Variants in HUNK observed in about 807,000 individuals in gnomAD.
HUNK encodes hormonally up-regulated neu tumor-associated kinase.
Under a neutral mutation model 61.0 loss-of-function variants are expected in HUNK, and 21 were observed. That is an observed-to-expected ratio of 0.34 (90% confidence interval 0.24 to 0.50). The LOEUF (loss-of-function observed/expected upper bound fraction) is 0.50. Ranked by LOEUF, HUNK falls within the 20% of genes least tolerant of loss-of-function variation. The pLI is 0.98. For missense variants in HUNK, 772 were observed against 945.7 expected, an observed-to-expected ratio of 0.82 and a Z score of 2.41; for synonymous variants, 371 against 386.1, an observed-to-expected ratio of 0.96 and a Z score of 0.46.
chr21:31,875,131 C>T (rs916728319), intron 1 of HUNK, among the ~76,000 whole-genome samples: 1 of 152,186 alleles, frequency 6.6e-6, no homozygotes, highest in Non-Finnish European at 1.5e-5. Context: ...AGTTCACTTC[C>T]CAACCGAGCA....
intron 2 of HUNK, among the ~76,000 whole-genome samples, chr21:31,925,926 T>A (rs960431697): frequency 4.4e-4 from 9 of 20,542 alleles, no homozygotes; most frequent in Non-Finnish European, 6.6e-4. Context: ...CCAGAAATAT[T>A]TTTTTTTTTT....
intron 5 of HUNK, among the ~76,000 whole-genome samples, chr21:31,964,511 G>T (rs931709717): frequency 1.3e-5 from 2 of 152,208 alleles, no homozygotes; most frequent in Non-Finnish European, 2.9e-5. Context: ...GAGCAGGGTG[G>T]TACTATTTTT....
At chr21:31,985,113 C>T (rs960141333) in intron 8 of HUNK, among the ~76,000 whole-genome samples, 3 of 152,142 alleles carry the variant, frequency 2.0e-5, no homozygotes, top group South Asian at 2.1e-4. Context: ...CTCCACCTGT[C>T]CCCGCCCTTG....
In HUNK at chr21:31,873,852, A is replaced by C; in HGVS notation, c.178A>C (p.Asn60His). The change falls in exon 1 of 11, where the codon AAC becomes CAC. Residue 60 changes from asparagine to histidine, a missense_variant. By Grantham distance (68) the Asn-to-His change is moderately conservative (BLOSUM62 1). Coordinates refer to ENST00000270112, the MANE Select transcript of HUNK (RefSeq NM_014586.2). This position sits in a 1 kb window ranked among gnomAD's most constrained non-coding sequence, Gnocchi z 6.1. ...RDFQHHKRVG[N>H]YLIGSRKLGE... Reference sequence around the variant, plus strand: ...CTTCCAGCACCACAAGCGCGTGGGCAACTACCTCATCGGCAGCAGGAAGCT... The same window carrying C: ...CTTCCAGCACCACAAGCGCGTGGGCCACTACCTCATCGGCAGCAGGAAGCT... The C allele has an allele frequency of 6.3e-7, 1 of 1,586,050 alleles. No individual in the cohort carries two copies. The highest frequency in any genetic ancestry group is 8.6e-7 in the Non-Finnish European group (1 of 1,168,324).
intron 1 of HUNK, among the ~76,000 whole-genome samples, chr21:31,910,640 C>T (rs1337984949): frequency 2.0e-5 from 3 of 152,034 alleles, no homozygotes; most frequent in Non-Finnish European, 2.9e-5. Flanking sequence ...AGGCATGCGC[C>T]ACCACGCCTG....
rs2052373067 is a variant in HUNK, at chr21:31,889,746, A to G, written c.261+15811A>G. Among the ~76,000 whole-genome samples the G allele has an allele frequency of 3.3e-5, 5 of 152,204 alleles. No homozygotes were observed. The South Asian group carries it at 1.0e-3, about 32-fold the overall frequency. ...GGTGCTGGATGGCTATTTTACTCCC[A>G]CCTAATTTATTACTCTGAGATGCTT... On this transcript the variant is annotated intron_variant, in intron 1 of 10. Transcript: ENST00000270112.
At chr21:31,885,454 C>T (rs1207618626) in intron 1 of HUNK, among the ~76,000 whole-genome samples, 1 of 152,192 alleles carries the variant, frequency 6.6e-6, no homozygotes, top group South Asian at 2.1e-4. Flanking sequence ...CCCCTTCACT[C>T]TGCTTTGTCC....
chr21:31,943,803 T>C (rs1340743335), intron 3 of HUNK, among the ~76,000 whole-genome samples: 2 of 152,172 alleles, frequency 1.3e-5, no homozygotes, highest in Non-Finnish European at 2.9e-5. Flanking sequence ...GGTGAGGAAG[T>C]GAACAGATCG....
rs2052890928 is a variant in HUNK at position 31,956,585 on chromosome 21, A to T, written c.747-2258A>T. Reference sequence around the variant, plus strand: ...CTGATACTCCTTCCCTGCACCCCTAACCTGTCTCTCCTCCTCAGCCTCCTC... The same window carrying T: ...CTGATACTCCTTCCCTGCACCCCTATCCTGTCTCTCCTCCTCAGCCTCCTC... On this transcript the variant is annotated intron_variant, in intron 4 of 10. Coordinates refer to ENST00000270112, the MANE Select transcript of HUNK (RefSeq NM_014586.2). Among the ~76,000 whole-genome samples, 4 of 151,912 alleles carry T rather than the reference A, an allele frequency of 2.6e-5. No homozygotes were observed. In the South Asian group the frequency reaches 8.3e-4, roughly 32 times the overall value.
intron 5 of HUNK, among the ~76,000 whole-genome samples, chr21:31,966,102 T>G (rs972914918): frequency 6.6e-6 from 1 of 152,138 alleles, no homozygotes; most frequent in Non-Finnish European, 1.5e-5. Context: ...ATTGTATCAT[T>G]CTTATGCCTT....
intron 1 of HUNK, among the ~76,000 whole-genome samples, chr21:31,874,279 C>G (rs559500337): frequency 7.8e-6 from 1 of 128,728 alleles, no homozygotes; most frequent in African/African-American, 2.9e-5. Flanking sequence ...GCAGGGGCGG[C>G]GGATCCGTGG....
chr21:31,987,318 A>C (rs1329845469), intron 8 of HUNK, among the ~76,000 whole-genome samples: 1 of 152,222 alleles, frequency 6.6e-6, no homozygotes, highest in African/African-American at 2.4e-5. Flanking sequence ...GGGGATGCAG[A>C]ATTCACTGTT....
chr21:31,882,168 A>T (rs1430732542), intron 1 of HUNK, among the ~76,000 whole-genome samples: 1 of 151,720 alleles, frequency 6.6e-6, no homozygotes, highest in African/African-American at 2.4e-5. Flanking sequence ...ATTCTCATGG[A>T]CAAAAAAAAC....
Position 31,999,021 on chromosome 21 carries a change from G to C in HUNK, c.1982G>C (p.Gly661Ala), listed in dbSNP as rs774277489. The C allele has an allele frequency of 6.2e-7, 1 of 1,614,194 alleles. No individual in the cohort carries two copies. Among genetic ancestry groups the C allele is most frequent in the South Asian group, 1.1e-5 (1 of 91,082 alleles). ...AGCCCCAATTGTGTGAAAAGCCGAG[G>C]CCGGTTCCCTATGATGGGCATCGGA... The part of the protein sequence containing the change: ...LGSPNCVKSR[G>A]RFPMMGIGQM... Residue 661 changes from glycine (G) to alanine (A), a missense_variant, in exon 11 of 11, where the codon GGC becomes GCC. By Grantham distance (60) the Gly-to-Ala change is moderately conservative. Around this residue, in one of 2 missense-constraint regions of HUNK, gnomAD observed 413 missense variants for 444.4 expected, o/e 0.93. Transcript: ENST00000270112.
intron 3 of HUNK, among the ~76,000 whole-genome samples, chr21:31,945,281 C>A (rs73903712): frequency 2.0e-5 from 3 of 152,064 alleles, no homozygotes; most frequent in Admixed American, 2.0e-4. Context: ...ATAAACATGG[C>A]GCAGAAGGCA....
At chr21:31,947,584 T>C (rs1313502632) in intron 4 of HUNK, among the ~76,000 whole-genome samples, 1 of 152,196 alleles carries the variant, frequency 6.6e-6, no homozygotes, top group Non-Finnish European at 1.5e-5. Flanking sequence ...GGGAGGGAAT[T>C]GGTTGGTCTG....
chr21:31,900,234 C>T (rs533198065), intron 1 of HUNK, among the ~76,000 whole-genome samples: 1 of 152,290 alleles, frequency 6.6e-6, no homozygotes, highest in African/African-American at 2.4e-5. Flanking sequence ...GGCCCACCCT[C>T]CTAGCTCCTT....
chr21:31,968,799 C>T (rs2052988581), intron 6 of HUNK, among the ~76,000 whole-genome samples: 2 of 140,174 alleles, frequency 1.4e-5, no homozygotes, highest in Non-Finnish European at 3.1e-5. Context: ...TCTCCATGTG[C>T]ATGGGTGTTG....
intron 1 of HUNK, among the ~76,000 whole-genome samples, chr21:31,912,756 A>G (rs2047260796): frequency 6.6e-6 from 1 of 152,092 alleles, no homozygotes; most frequent in Non-Finnish European, 1.5e-5. Flanking sequence ...TGTGGCCCAG[A>G]CTGGTTTGGA....
Sources: gnomAD v4.1 joint callset for allele counts (sites outside exome capture counted in the v4.1 genomes callset) on GRCh38, gnomAD v4.1.1 for gene constraint, gnomAD v4.1.1 regional missense constraint, Gnocchi (gnomAD v3.1) non-coding constraint, MANE v1.5 for transcripts, NCBI Gene and HGNC (gene_info 2026-07-23, HGNC 2026-07-21) for gene names.